The following NOX4 variants were observed in gnomAD, a reference collection of about 807,000 sequenced individuals.
NOX4 encodes the protein NADPH oxidase 4, also known as kidney oxidase-1.
NOX4 carries 69 observed loss-of-function variants against 87.6 expected under a neutral mutation model. The ratio of observed to expected loss-of-function variants is 0.79; its 90% confidence interval spans 0.65 to 0.96. The LOEUF (loss-of-function observed/expected upper bound fraction) is 0.96. NOX4 is among the 40% of genes least tolerant of loss of function. The probability of loss-of-function intolerance (pLI) is 0.00; values close to 1 mark genes in which losing one functional copy is unlikely to be tolerated. For synonymous variants in NOX4, 275 were observed against 238.2 expected (o/e 1.15, Z -1.42); for missense variants, 680 against 681.5 (o/e 1.00, Z 0.02).
the NOX4 span, among the ~76,000 whole-genome samples, chr11:89,514,528 C>T: frequency 1.3e-5 from 2 of 151,738 alleles, no homozygotes; most frequent in East Asian, 3.9e-4. Flanking sequence ...ACTACAAACT[C>T]TAGTAAAATG....
chr11:89,436,511 G>T (rs1944087321), intron 6 of NOX4, among the ~76,000 whole-genome samples: 1 of 152,002 alleles, frequency 6.6e-6, no homozygotes, highest in South Asian at 2.1e-4. Context: ...CAAAATACAT[G>T]TTTACATGTT....
At position 89,340,067 on chromosome 11, in the gene NOX4, T is replaced by A; in HGVS notation, c.1442A>T (p.Asn481Ile). ...TAGAACCAACCCTAATGTTACCTTG[T>A]TATGCAACATACAGAGTAAATCTGC... Reference protein sequence around the residue: ...WFADLLCMLHNKFWQENRPDY... With the variant: ...WFADLLCMLHIKFWQENRPDY... The change falls in exon 15 of 18, where the codon AAC (asparagine) becomes ATC (isoleucine). Residue 481 changes from asparagine (N) to isoleucine (I), a missense_variant. Transcript: ENST00000263317. 6.6e-7 allele frequency: 1 copy of A among 1,521,060 alleles called. No homozygotes were observed. The highest frequency in any genetic ancestry group is 8.8e-7 in the Non-Finnish European group (1 of 1,134,096). The allele number at this position is 1,521,060 out of a possible 1,614,324, so 94.2% of individuals were successfully genotyped here.
At chr11:89,491,556 T>A, upstream of NOX4, 1 of 387,766 alleles carries the variant, frequency 2.6e-6, no homozygotes, top group Non-Finnish European at 4.6e-6. Context: ...CGCCGGCCCC[T>A]TTGTCTAGGG....
At chr11:89,554,793 G>A in the NOX4 span, among the ~76,000 whole-genome samples, 5 of 152,046 alleles carry the variant, frequency 3.3e-5, no homozygotes, top group East Asian at 9.6e-4. Flanking sequence ...CCAATCTGAT[G>A]TATTTTTAGA....
At chr11:89,540,712 C>T in the NOX4 span, among the ~76,000 whole-genome samples, 1 of 137,576 alleles carries the variant, frequency 7.3e-6, no homozygotes. Context: ...GGTGTGAACG[C>T]GGGAGGCGCA....
At chr11:89,540,205 T>C in the NOX4 span, among the ~76,000 whole-genome samples, 422 of 152,292 alleles carry the variant, frequency 2.8e-3, 2 homozygotes, top group African/African-American at 9.7e-3. Flanking sequence ...TAGAAATACT[T>C]AGTCCAGAAC....
Position 89,440,690 on chromosome 11 carries a change from G to T in NOX4, c.473C>A (p.Thr158Asn). ...AAAGGCTAAGAATAACAACTTACCA[G>T]TTGTGAAGAGAAGTTTTCTAGGATC... ...DEDPRKLLFT[T>N]VPGLTGVCMV... The change falls in exon 6 of 18, where the codon ACT becomes AAT. Residue 158 changes from threonine to asparagine, a missense_variant and splice_region_variant. Thr to Asn is a moderately conservative substitution (Grantham distance 65, BLOSUM62 0). Transcript: ENST00000263317. The T allele has an allele frequency of 1.3e-6, 2 of 1,544,962 alleles. No individual in the cohort carries two copies. The highest frequency in any genetic ancestry group is 1.8e-6 in the Non-Finnish European group (2 of 1,133,130).
chr11:89,358,760 TAA>T (rs879734185), intron 12 of NOX4, among the ~76,000 whole-genome samples: 9 of 139,786 alleles, frequency 6.4e-5, no homozygotes, highest in Non-Finnish European at 6.3e-5. Flanking sequence ...ATTTGTTAAG[TAA>T]AAAAAAAAAA....
At chr11:89,581,682 C>CT in the NOX4 span, among the ~76,000 whole-genome samples, 26 of 152,040 alleles carry the variant, frequency 1.7e-4, no homozygotes, top group African/African-American at 4.6e-4. Flanking sequence ...TATATTACTG[C>CT]TTTTTTTAAA....
chr11:89,457,921 G>GAA lies in NOX4; in HGVS notation c.154-6028_154-6027dup, dbSNP rs548158320. Among the ~76,000 whole-genome samples the GAA allele has an allele frequency of 1.1e-3, 168 of 150,488 alleles. 1 individual carries two copies. The highest frequency in any genetic ancestry group is 3.9e-3 in the African/African-American group (160 of 41,086). ...GAAATCAGAAATAACACAAACAAAT[G>GAA]AAAAAAAAATTCCATGTTCATAAAT... On this transcript the variant is annotated intron_variant, in intron 2 of 17. Transcript: ENST00000263317.
chr11:89,561,168 C>T, the NOX4 span, among the ~76,000 whole-genome samples: 2 of 145,032 alleles, frequency 1.4e-5, no homozygotes, highest in African/African-American at 5.1e-5. Context: ...AAAGTTTGTT[C>T]TAGCCTATCC....
the NOX4 span, among the ~76,000 whole-genome samples, chr11:89,576,696 G>A: frequency 2.6e-5 from 4 of 151,936 alleles, no homozygotes; most frequent in Non-Finnish European, 5.9e-5. Context: ...AAAAGCTTTT[G>A]GCTTATAGGA....
At chr11:89,496,107 G>A (rs1438470851), upstream of NOX4, among the ~76,000 whole-genome samples, 2 of 152,290 alleles carry the variant, frequency 1.3e-5, no homozygotes, top group Admixed American at 6.5e-5. Context: ...GTGGTCCAAA[G>A]GCTTAACATT....
chr11:89,469,375 G>T (rs1945832967), intron 2 of NOX4, among the ~76,000 whole-genome samples: 1 of 152,066 alleles, frequency 6.6e-6, no homozygotes, highest in Non-Finnish European at 1.5e-5. Context: ...AACTTAAAGT[G>T]ATAAAATATT....
At chr11:89,502,049 G>A (rs1192346283), upstream of NOX4, among the ~76,000 whole-genome samples, 1 of 152,016 alleles carries the variant, frequency 6.6e-6, no homozygotes, top group East Asian at 1.9e-4. Flanking sequence ...TGAAAGAGAA[G>A]ACTATATTTC....
intron 11 of NOX4, among the ~76,000 whole-genome samples, chr11:89,395,674 T>G (rs1399577512): frequency 6.6e-6 from 1 of 152,182 alleles, no homozygotes; most frequent in Non-Finnish European, 1.5e-5. Flanking sequence ...TTGAATTAAT[T>G]TTTGTATAAG....
intron 3 of NOX4, among the ~76,000 whole-genome samples, chr11:89,450,966 G>T (rs1944929938): frequency 6.7e-6 from 1 of 149,876 alleles, no homozygotes; most frequent in South Asian, 2.1e-4. Context: ...CACAAGGACA[G>T]AAAACCAAAC....
the NOX4 span, among the ~76,000 whole-genome samples, chr11:89,537,336 TA>T: frequency 6.6e-6 from 1 of 151,968 alleles, no homozygotes; most frequent in Non-Finnish European, 1.5e-5. Flanking sequence ...TGTTTTAATT[TA>T]AAAAGCATAT....
At chr11:89,379,985 C>T (rs552559460) in intron 11 of NOX4, among the ~76,000 whole-genome samples, 5 of 152,208 alleles carry the variant, frequency 3.3e-5, no homozygotes, top group African/African-American at 1.2e-4. Context: ...TTTCTCCATT[C>T]ACACTCTCCC....
Sources: gnomAD v4.1 joint callset for allele counts (sites outside exome capture counted in the v4.1 genomes callset) on GRCh38, gnomAD v4.1.1 for gene constraint, MANE v1.5 for transcripts, NCBI Gene and HGNC (gene_info 2026-07-23, HGNC 2026-07-21) for gene names.